The following COL1A1 variants were observed in gnomAD, a reference collection of about 807,000 sequenced individuals.
COL1A1 encodes collagen type I alpha 1 chain.
COL1A1 carries 21 observed loss-of-function variants against 195.7 expected under a neutral mutation model. That is an observed-to-expected ratio of 0.11 (90% CI 0.08 to 0.15). The LOEUF (loss-of-function observed/expected upper bound fraction) is 0.15, where lower values mean the gene tolerates loss of function less well. Ranked by LOEUF, COL1A1 falls within the 10% of genes least tolerant of loss-of-function variation. COL1A1 has a pLI of 1.00. For missense variants in COL1A1, 1,365 were observed against 2,051.0 expected, an observed-to-expected ratio of 0.67 and a Z score of 6.46; for synonymous variants, 749 against 747.3, an observed-to-expected ratio of 1.00 and a Z score of -0.04.
At position 50,195,713 on chromosome 17, in the gene COL1A1, C is replaced by T; in HGVS notation, c.1057-48G>A. The T allele has an allele frequency of 6.3e-7, 1 of 1,580,598 alleles. No individual in the cohort carries two copies. Among genetic ancestry groups the T allele is most frequent in the Non-Finnish European group, 8.7e-7 (1 of 1,154,266 alleles). ...TCAGAAGCCACCCTGGGAAACCCAA[C>T]CTTGCCTCTCGGGATGGCAGGAGGA... On this transcript the variant is annotated intron_variant, in intron 16 of 50. Transcript: ENST00000225964. This position sits in a 1 kb window ranked among gnomAD's most constrained non-coding sequence, Gnocchi z 4.3.
In COL1A1 at chr17:50,193,967, T is replaced by C; in HGVS notation, c.1743A>G (p.Gly581=). The change falls in exon 25 of 51, where the codon GGA becomes GGG. Residue 581 remains glycine, a synonymous_variant. Coordinates refer to ENST00000225964, the MANE Select transcript of COL1A1 (RefSeq NM_000088.4). ...PGARGQAGVM[G]FPGPKGAAGE... ...CAGCAGCACCTTTAGGTCCAGGGAA[T>C]CCCATCACACCAGCCTGACCACGGG... The C allele has an allele frequency of 6.2e-7, 1 of 1,614,048 alleles. No homozygotes were observed. The highest frequency in any genetic ancestry group is 8.5e-7 in the Non-Finnish European group (1 of 1,180,006).
intron 6 of COL1A1, 49 bp from the exon 7 acceptor site, chr17:50,198,254 G>A: frequency 6.2e-7 from 1 of 1,606,038 alleles, no homozygotes; most frequent in Non-Finnish European, 8.5e-7. Context: ...CTGTAGGAAA[G>A]CATGTGGATG....
chr17:50,196,502 A>T lies in COL1A1; in HGVS notation c.885T>A (p.Asn295Lys), dbSNP rs1326746347. Residue 295 changes from asparagine to lysine, a missense_variant, in exon 13 of 51, where the codon AAT (asparagine) becomes AAA (lysine). Coordinates refer to ENST00000225964, the MANE Select transcript of COL1A1 (RefSeq NM_000088.4). The stretch of plus-strand genomic sequence containing the variant: ...CACTCACCATCTGACCAGGAGCTCC[A>T]TTTTCACCAGGGCTGCCAGGCTCAC... ...PKGEPGSPGE[N>K]GAPGQMGPRG... is the part of the protein sequence containing the mutation. 1 of 1,614,106 alleles carries T rather than the reference A, an allele frequency of 6.2e-7. No individual in the cohort carries two copies. Among genetic ancestry groups the T allele is most frequent in the Admixed American group, 1.7e-5 (1 of 60,024 alleles).
At position 50,198,146 on chromosome 17, in the gene COL1A1, G is replaced by T; in HGVS notation, c.588+15C>A. On this transcript the variant is annotated intron_variant, in intron 7 of 50. Coordinates refer to ENST00000225964, the MANE Select transcript of COL1A1 (RefSeq NM_000088.4). ...AAAGCCCAAGGAGGCATATGAAGAC[G>T]TCCTGGATACTCACAGGTGCACCAG... The T allele has an allele frequency of 6.2e-7, 1 of 1,613,960 alleles. No individual in the cohort carries two copies. The highest frequency in any genetic ancestry group is 8.5e-7 in the Non-Finnish European group (1 of 1,179,932).
rs1241498558 is a variant in COL1A1, at chr17:50,186,342, C to A, written c.3980G>T (p.Gly1327Val). 6.2e-7 allele frequency: 1 copy of A among 1,614,244 alleles called. No homozygotes were observed. Among genetic ancestry groups the A allele is most frequent in the South Asian group, 1.1e-5 (1 of 91,088 alleles). ...NPKDKRHVWF[G>V]ESMTDGFQFE... The stretch of plus-strand genomic sequence containing the variant: ...CTGGAATCCATCGGTCATGCTCTCG[C>A]CGAACCAGACATGCCTCTTGTCCTT... The change falls in exon 49 of 51, where the codon GGC becomes GTC. Residue 1327 changes from glycine (G) to valine (V), a missense_variant. Coordinates refer to ENST00000225964, the MANE Select transcript of COL1A1 (RefSeq NM_000088.4). The surrounding 1 kb of genome is among the most constrained non-coding windows in gnomAD (Gnocchi z 5.3).
rs755096037 is a variant in COL1A1 at position 50,187,949 on chromosome 17, G to A, written c.3296C>T (p.Thr1099Ile). 4.3e-6 allele frequency: 7 copies of A among 1,614,094 alleles called. No individual in the cohort carries two copies. Among genetic ancestry groups the A allele is most frequent in the Admixed American group, 3.3e-5 (2 of 60,018 alleles). ...PQGPRGDKGE[T>I]GEQGDRGIKG... is the part of the protein sequence containing the mutation. ...TATGCCTCTGTCGCCCTGTTCGCCT[G>A]TCTCACCCTTGTCACCACGGGGGCC... Residue 1099 changes from threonine to isoleucine, a missense_variant, in exon 45 of 51, where the codon ACA (threonine) becomes ATA (isoleucine). Physicochemically the swap from Thr to Ile is moderately conservative, Grantham distance 89. Around this residue, in one of 5 missense-constraint regions of COL1A1, gnomAD observed 671 missense variants for 1,099.9 expected, o/e 0.61. Transcript: ENST00000225964.
Position 50,195,886 on chromosome 17 carries a change from A to G in COL1A1, c.1056+37T>C. The G allele has an allele frequency of 6.4e-7, 1 of 1,559,550 alleles. No homozygotes were observed. Among genetic ancestry groups the G allele is most frequent in the Non-Finnish European group, 8.7e-7 (1 of 1,150,948 alleles). On this transcript the variant is annotated intron_variant, in intron 16 of 50. Coordinates refer to ENST00000225964, the MANE Select transcript of COL1A1 (RefSeq NM_000088.4). This position sits in a 1 kb window ranked among gnomAD's most constrained non-coding sequence, Gnocchi z 4.3. ...CAGGGAGACATGAACCCCTTGGCCC[A>G]TGAGGGTCATGCTTAGAGGAGAGTG...
At position 50,184,685 on chromosome 17, in the gene COL1A1, G is replaced by A. The variant is rs1263924143; in HGVS notation, c.*817C>T. The A allele has an allele frequency of 3.0e-5, 5 of 165,780 alleles. 1 individual carries two copies. The highest frequency in any genetic ancestry group is 5.0e-5 in the African/African-American group (2 of 39,950). The allele number at this position is 165,780 out of a possible 1,614,324, so 10.3% of individuals were successfully genotyped here. On this transcript the variant is annotated 3_prime_UTR_variant, in exon 51 of 51. Transcript: ENST00000225964. Reference sequence around the variant, plus strand: ...ATCCCCGCCCCCAGGCAGTTGCCCCGGTGACACATCAAGACAAGAACGAGG... The same window carrying A: ...ATCCCCGCCCCCAGGCAGTTGCCCCAGTGACACATCAAGACAAGAACGAGG...
In COL1A1 at chr17:50,195,814, T is replaced by G. The variant is rs759451454; in HGVS notation, c.1056+109A>C. The G allele has an allele frequency of 3.6e-5, 50 of 1,393,334 alleles. No homozygotes were observed. Among genetic ancestry groups the G allele is most frequent in the Non-Finnish European group, 4.9e-5 (49 of 1,003,648 alleles). 86.3% of individuals were successfully genotyped at this position (1,393,334 alleles called of 1,614,324 possible). A position where few individuals can be genotyped will look rare whatever the true frequency, so the allele number is the denominator to read the frequency against. ...GGAGAACCCAGGACAAAGGTGTTAG[T>G]GAACGGGCTGCTCTCTTGCCACTCT... On this transcript the variant is annotated intron_variant, in intron 16 of 50. Transcript: ENST00000225964. This position sits in a 1 kb window ranked among gnomAD's most constrained non-coding sequence, Gnocchi z 4.3.
chr17:50,192,273 G>C lies in COL1A1; in HGVS notation c.1983+202C>G, dbSNP rs78912754. The C allele has an allele frequency of 4.3e-4, 318 of 735,402 alleles. No individual in the cohort carries two copies. The East Asian group carries it at 7.8e-3, about 18-fold the overall frequency. 45.6% of individuals were successfully genotyped at this position (735,402 alleles called of 1,614,324 possible). A position where few individuals can be genotyped will look rare whatever the true frequency, so the allele number is the denominator to read the frequency against. On this transcript the variant is annotated intron_variant, in intron 29 of 50. Coordinates refer to ENST00000225964, the MANE Select transcript of COL1A1 (RefSeq NM_000088.4). ...TGAGGGAAAGTCACAGCATATTCCA[G>C]CAGCTCTTAAAAGAAGTCACCCAGA...
At position 50,188,191 on chromosome 17, in the gene COL1A1, G is replaced by T; in HGVS notation, c.3208-42C>A. On this transcript the variant is annotated intron_variant, in intron 43 of 50. Transcript: ENST00000225964. This position sits in a 1 kb window ranked among gnomAD's most constrained non-coding sequence, Gnocchi z 5.6. ...AAGCATGAGCTCTTGGCCAGGGAAGGCTGAGGCTGGGGCTGCAGGATGAGG... is the reference window on the plus strand; with the variant it reads ...AAGCATGAGCTCTTGGCCAGGGAAGTCTGAGGCTGGGGCTGCAGGATGAGG... 1.3e-6 allele frequency: 2 copies of T among 1,514,584 alleles called. No homozygotes were observed. The highest frequency in any genetic ancestry group is 1.8e-6 in the Non-Finnish European group (2 of 1,122,648). 93.8% of individuals were successfully genotyped at this position (1,514,584 alleles called of 1,614,324 possible).
Position 50,194,309 on chromosome 17 carries a change from C to G in COL1A1, c.1614+40G>C, listed in dbSNP as rs1482400122. 6.2e-7 allele frequency: 1 copy of G among 1,610,076 alleles called. No homozygotes were observed. Among genetic ancestry groups the G allele is most frequent in the Admixed American group, 1.7e-5 (1 of 60,014 alleles). ...CATCCCAGACCCTACACGGGATGGT[C>G]AGGGCCTGGCCAAGCCAGGCTGAAA... On this transcript the variant is annotated intron_variant, in intron 23 of 50. Coordinates refer to ENST00000225964, the MANE Select transcript of COL1A1 (RefSeq NM_000088.4). This position sits in a 1 kb window ranked among gnomAD's most constrained non-coding sequence, Gnocchi z 6.8.
intron 29 of COL1A1, 33 bp from the exon 30 acceptor site, chr17:50,192,057 G>A: frequency 6.2e-7 from 1 of 1,607,312 alleles, no homozygotes; most frequent in Non-Finnish European, 8.5e-7. Flanking sequence ...CAGACAGTGA[G>A]CAAAACCCAC....
At position 50,195,261 on chromosome 17, in the gene COL1A1, C is replaced by T. The variant is rs750427423; in HGVS notation, c.1270G>A (p.Gly424Ser). The T allele has an allele frequency of 2.0e-5, 33 of 1,613,032 alleles. No homozygotes were observed. The highest frequency in any genetic ancestry group is 5.3e-5 in the African/African-American group (4 of 74,820). The change falls in exon 19 of 51, where the codon GGC becomes AGC. Residue 424 changes from glycine to serine, a missense_variant. Gly to Ser is a moderately conservative substitution (Grantham distance 56, BLOSUM62 0). This residue lies in a region of COL1A1 where 226 missense variants were observed against 372.9 expected (regional missense o/e 0.61). Transcript: ENST00000225964. This position sits in a 1 kb window ranked among gnomAD's most constrained non-coding sequence, Gnocchi z 4.3. ...ARGPSGPQGP[G>S]GPPGPKGNSG... ...TTACCCTTGGGACCAGGAGGGCCGC[C>T]GGGGCCCTGGGGTCCAGAGGGGCCT...
chr17:50,191,287 G>A, intron 32 of COL1A1, 96 bp downstream of exon 32: 1 of 1,178,504 alleles, frequency 8.5e-7, no homozygotes, highest in Admixed American at 1.7e-5. Flanking sequence ...CGAGAAGAGG[G>A]ACAGATCCCA....
chr17:50,187,602 C>G, intron 45 of COL1A1, 65 bp from the exon 46 acceptor site: 1 of 1,572,338 alleles, frequency 6.4e-7, no homozygotes. Flanking sequence ...GAGGGCCTGG[C>G]TGGAGAGACA....
intron 5 of COL1A1, 179 bp from the exon 6 acceptor site, chr17:50,198,683 C>T (rs1452893900): frequency 1.6e-6 from 1 of 640,798 alleles, no homozygotes; most frequent in African/African-American, 1.8e-5. Flanking sequence ...GAGACAATCC[C>T]AAATTGAGGG....
In COL1A1 at chr17:50,201,541, T is replaced by C; in HGVS notation, c.-28A>G. The C allele has an allele frequency of 6.3e-7, 1 of 1,592,694 alleles. No individual in the cohort carries two copies. Among genetic ancestry groups the C allele is most frequent in the East Asian group, 2.2e-5 (1 of 44,458 alleles). ...CTAGACCCTAGACATGTAGACTCTTTGTGGCTGGGGAGGGGGTTAGCGTCC... is the reference window on the plus strand; with the variant it reads ...CTAGACCCTAGACATGTAGACTCTTCGTGGCTGGGGAGGGGGTTAGCGTCC... On this transcript the variant is annotated 5_prime_UTR_variant, in exon 1 of 51. Coordinates refer to ENST00000225964, the MANE Select transcript of COL1A1 (RefSeq NM_000088.4).
chr17:50,192,722 G>A, intron 27 of COL1A1, 29 bp from the exon 28 acceptor site: 14 of 1,614,084 alleles, frequency 8.7e-6, no homozygotes, highest in Non-Finnish European at 1.2e-5. Flanking sequence ...ACAGTCACGG[G>A]GAGGCCGAGG....
Sources: gnomAD v4.1 joint callset for allele counts on GRCh38, gnomAD v4.1.1 for gene constraint, gnomAD v4.1.1 regional missense constraint, Gnocchi (gnomAD v3.1) non-coding constraint, MANE v1.5 for transcripts, NCBI Gene and HGNC (gene_info 2026-07-23, HGNC 2026-07-21) for gene names.